EGLN2: variants seen among roughly 807,000 people sequenced by gnomAD.
EGLN2 encodes the protein prolyl hydroxylase EGLN2.
Under a neutral mutation model 38.2 loss-of-function variants are expected in EGLN2, and 15 were observed. That is an observed-to-expected ratio of 0.39 (90% confidence interval 0.26 to 0.60). The LOEUF is 0.60. Among genes scored for constraint, EGLN2 ranks in the 20% least tolerant of loss-of-function variants. EGLN2 has a pLI of 0.50. For missense variants in EGLN2, 492 were observed against 570.4 expected, an observed-to-expected ratio of 0.86 and a Z score of 1.40; for synonymous variants, 284 against 237.4, an observed-to-expected ratio of 1.20 and a Z score of -1.81.
intron 2 of EGLN2, chr19:40,803,965 G>C (rs1174516539): frequency 2.6e-5 from 4 of 152,160 alleles, no homozygotes; most frequent in African/African-American, 4.8e-5. Flanking sequence ...GCCTTCCCCT[G>C]TGAGGGCAGG....
chr19:40,800,312 A>G, intron 1 of EGLN2, 27 bp from the exon 2 acceptor site: 1 of 443,686 alleles, frequency 2.3e-6, no homozygotes, highest in Non-Finnish European at 3.9e-6. Context: ...TTTCTCTCAC[A>G]TCCCTTTTTT....
Position 40,800,328 on chromosome 19 carries a change from C to A in EGLN2, c.-234-11C>A. The A allele has an allele frequency of 4.4e-6, 2 of 458,004 alleles. No individual in the cohort carries two copies. The highest frequency in any genetic ancestry group is 3.8e-6 in the Non-Finnish European group (1 of 261,458). The allele number at this position is 458,004 out of a possible 1,614,324, so 28.4% of individuals were successfully genotyped here. ...TTCTCTCACATCCCTTTTTTTTTTT[C>A]CTTTCTCTAGCCACCCTGAAGGGTC... On this transcript the variant is annotated splice_polypyrimidine_tract_variant and intron_variant, in intron 1 of 5. Transcript: ENST00000303961.
chr19:40,806,684 A>AG lies in EGLN2; in HGVS notation c.963+13dup. On this transcript the variant is annotated intron_variant, in intron 3 of 5. Coordinates refer to ENST00000303961, the MANE Select transcript of EGLN2 (RefSeq NM_080732.4). ...GAACTGGGACGTTAAGGTAGGGGTG[A>AG]GGGTGAGGGTGAGGGTGGCGCTGGG... 6.3e-7 allele frequency: 1 copy of AG among 1,581,174 alleles called. No homozygotes were observed. The highest frequency in any genetic ancestry group is 1.1e-5 in the South Asian group (1 of 90,470).
chr19:40,806,496 G>A, intron 2 of EGLN2, 59 bp from the exon 3 acceptor site: 1 of 1,603,980 alleles, frequency 6.2e-7, no homozygotes, highest in Non-Finnish European at 8.5e-7. Flanking sequence ...ATTCATGGCT[G>A]CTTCTCTAAG....
chr19:40,805,893 G>T (rs1203234625), intron 2 of EGLN2: 1 of 152,746 alleles, frequency 6.5e-6, no homozygotes, highest in Non-Finnish European at 1.5e-5. Flanking sequence ...CCATTCAGGT[G>T]TTGGAACTGG....
At position 40,806,596 on chromosome 19, in the gene EGLN2, A is replaced by G; in HGVS notation, c.885A>G (p.Val295=). The change falls in exon 3 of 6, where the codon GTA becomes GTG. Residue 295 remains valine (V), a synonymous_variant. Transcript: ENST00000303961. ...ACYPGNGLGY[V]RHVDNPHGDG... ...ACCCAGGCAACGGGCTCGGGTACGT[A>G]AGGCACGTTGACAATCCCCACGGCG... 6.2e-7 allele frequency: 1 copy of G among 1,614,116 alleles called. No individual in the cohort carries two copies. The highest frequency in any genetic ancestry group is 8.5e-7 in the Non-Finnish European group (1 of 1,179,998).
chr19:40,807,357 G>C, intron 4 of EGLN2, 83 bp downstream of exon 4: 1 of 1,606,390 alleles, frequency 6.2e-7, no homozygotes, highest in South Asian at 1.1e-5. Flanking sequence ...ACTAGGGAGC[G>C]ACGAAGTATT....
chr19:40,806,967 G>A, intron 3 of EGLN2, 171 bp from the exon 4 acceptor site: 1 of 1,100,594 alleles, frequency 9.1e-7, no homozygotes. Flanking sequence ...GTAGCTTCCT[G>A]CCCATCTCCA....
chr19:40,800,784 C>T lies in EGLN2; in HGVS notation c.212C>T (p.Thr71Ile). 6.2e-7 allele frequency: 1 copy of T among 1,613,436 alleles called. No homozygotes were observed. Among genetic ancestry groups the T allele is most frequent in the Non-Finnish European group, 8.5e-7 (1 of 1,179,712 alleles). The change falls in exon 2 of 6, where the codon ACC (threonine) becomes ATC (isoleucine). Residue 71 changes from threonine (T) to isoleucine (I), a missense_variant. By Grantham distance (89) the Thr-to-Ile change is moderately conservative. Around this residue, in one of 2 missense-constraint regions of EGLN2, gnomAD observed 378 missense variants for 386.2 expected, o/e 0.98. Coordinates refer to ENST00000303961, the MANE Select transcript of EGLN2 (RefSeq NM_080732.4). Reference sequence around the variant, plus strand: ...ACCCCCAGAGCCACAGCCACCTCTACCACTGCCAGCCCTCTTCGGGACGGT... The same window carrying T: ...ACCCCCAGAGCCACAGCCACCTCTATCACTGCCAGCCCTCTTCGGGACGGT... ...SGTPRATATS[T>I]TASPLRDGFG...
At position 40,807,792 on chromosome 19, in the gene EGLN2, T is replaced by C. The variant is rs1483560565; in HGVS notation, c.1169-17T>C. 6.2e-7 allele frequency: 1 copy of C among 1,613,732 alleles called. No individual in the cohort carries two copies. The highest frequency in any genetic ancestry group is 8.5e-7 in the Non-Finnish European group (1 of 1,179,856). ...CCTTCTGATGACTCACTGTCTCCTG[T>C]CCCCTCTCACCCCCAGCATCAGGAC... is the stretch of plus-strand genomic sequence containing the variant. On this transcript the variant is annotated splice_polypyrimidine_tract_variant and intron_variant, in intron 5 of 5. Coordinates refer to ENST00000303961, the MANE Select transcript of EGLN2 (RefSeq NM_080732.4).
intron 2 of EGLN2, chr19:40,805,687 G>T (rs1599762340): frequency 1.3e-5 from 2 of 152,384 alleles, no homozygotes; most frequent in South Asian, 4.1e-4. Flanking sequence ...TGTAGGGCTG[G>T]GTCAGGGGAG....
Position 40,800,583 on chromosome 19 carries a change from C to G in EGLN2, c.11C>G (p.Pro4Arg). The change falls in exon 2 of 6, where the codon CCG (proline) becomes CGG (arginine). Residue 4 changes from proline (P) to arginine (R), a missense_variant. Physicochemically the swap from Pro to Arg is moderately radical, Grantham distance 103. Coordinates refer to ENST00000303961, the MANE Select transcript of EGLN2 (RefSeq NM_080732.4). ...GAAGACACTGCTGCCATGGACAGCC[C>G]GTGCCAGCCGCAGCCCCTAAGTCAG... MDS[P>R]CQPQPLSQAL... 7 of 1,601,194 alleles carry G rather than the reference C, an allele frequency of 4.4e-6. No individual in the cohort carries two copies. The highest frequency in any genetic ancestry group is 6.0e-6 in the Non-Finnish European group (7 of 1,173,392).
In EGLN2 at chr19:40,801,324, G is replaced by C. The variant is rs770688943; in HGVS notation, c.752G>C (p.Arg251Pro). 1 of 1,612,686 alleles carries C rather than the reference G, an allele frequency of 6.2e-7. No homozygotes were observed. Among genetic ancestry groups the C allele is most frequent in the Admixed American group, 1.7e-5 (1 of 60,030 alleles). ...AWVEGHEPGCRSIGALMAHVD... is the reference protein window; with the variant it reads ...AWVEGHEPGCPSIGALMAHVD... Reference sequence around the variant, plus strand: ...GTGGAAGGCCATGAACCAGGCTGTCGAAGCATTGGTGCCCTCATGGCCCAT... The same window carrying C: ...GTGGAAGGCCATGAACCAGGCTGTCCAAGCATTGGTGCCCTCATGGCCCAT... Residue 251 changes from arginine to proline, a missense_variant, in exon 2 of 6, where the codon CGA becomes CCA. This residue lies in a region of EGLN2 where 378 missense variants were observed against 386.2 expected (regional missense o/e 0.98). Coordinates refer to ENST00000303961, the MANE Select transcript of EGLN2 (RefSeq NM_080732.4).
rs762431150 is a variant in EGLN2, at chr19:40,800,922, C to T, written c.350C>T (p.Pro117Leu). The change falls in exon 2 of 6, where the codon CCC becomes CTC. Residue 117 changes from proline to leucine, a missense_variant. Pro to Leu is a moderately conservative substitution (Grantham distance 98). Coordinates refer to ENST00000303961, the MANE Select transcript of EGLN2 (RefSeq NM_080732.4). ...GCCCAGGGCGCACGGCCTGAGGCCCCCAAACGGAAATGGGCCGAGGATGGT... is the reference window on the plus strand; with the variant it reads ...GCCCAGGGCGCACGGCCTGAGGCCCTCAAACGGAAATGGGCCGAGGATGGT... Reference protein sequence around the residue: ...LAAQGARPEAPKRKWAEDGGD... With the variant: ...LAAQGARPEALKRKWAEDGGD... The T allele has an allele frequency of 1.2e-6, 2 of 1,609,556 alleles. No individual in the cohort carries two copies. Among genetic ancestry groups the T allele is most frequent in the African/African-American group, 2.7e-5 (2 of 74,896 alleles).
At chr19:40,807,325 G>A in intron 4 of EGLN2, 51 bp downstream of exon 4, 1 of 1,612,556 alleles carries the variant, frequency 6.2e-7, no homozygotes, top group Non-Finnish European at 8.5e-7. Context: ...CTGTGACAAT[G>A]TCCTGTCAGA....
chr19:40,807,210 C>G lies in EGLN2; in HGVS notation c.1036C>G (p.Arg346Gly). 1 of 1,614,198 alleles carries G rather than the reference C, an allele frequency of 6.2e-7. No homozygotes were observed. The highest frequency in any genetic ancestry group is 8.5e-7 in the Non-Finnish European group (1 of 1,180,016). ...VVANIEPLFD[R>G]LLIFWSDRRN... ...AGCCAACATCGAGCCACTCTTTGAC[C>G]GGTTGCTCATTTTCTGGTCTGACCG... Residue 346 changes from arginine (R) to glycine (G), a missense_variant, in exon 4 of 6, where the codon CGG becomes GGG. By Grantham distance (125) the Arg-to-Gly change is moderately radical. Around this residue, in one of 2 missense-constraint regions of EGLN2, gnomAD observed 114 missense variants for 184.2 expected, o/e 0.62. Transcript: ENST00000303961.
chr19:40,802,850 G>C (rs965572373), intron 2 of EGLN2, among the ~76,000 whole-genome samples: 6 of 152,276 alleles, frequency 3.9e-5, no homozygotes, highest in Admixed American at 3.9e-4. Context: ...CCCTGCAGGC[G>C]TGAGGCTGAG....
At chr19:40,803,729 G>T (rs1396137724) in intron 2 of EGLN2, among the ~76,000 whole-genome samples, 1 of 152,148 alleles carries the variant, frequency 6.6e-6, no homozygotes, top group Non-Finnish European at 1.5e-5. Context: ...TGGCAGCAAG[G>T]GCTACCAGAG....
chr19:40,805,778 T>C (rs929066308), intron 2 of EGLN2: 2 of 152,084 alleles, frequency 1.3e-5, no homozygotes, highest in African/African-American at 4.8e-5. Context: ...TCTCCAGGAG[T>C]TGGGGCTCCA....
Sources: gnomAD v4.1 joint callset for allele counts (sites outside exome capture counted in the v4.1 genomes callset) on GRCh38, gnomAD v4.1.1 for gene constraint, gnomAD v4.1.1 regional missense constraint, MANE v1.5 for transcripts, NCBI Gene and HGNC (gene_info 2026-07-23, HGNC 2026-07-21) for gene names.